Variants in GAK observed in about 807,000 individuals in gnomAD.
GAK encodes cyclin G associated kinase.
A neutral mutation model predicts 143.9 loss-of-function variants in GAK; 79 were observed. That is an observed-to-expected ratio of 0.55 (90% CI 0.46 to 0.66). The LOEUF is 0.66. Among genes scored for constraint, GAK ranks in the 30% least tolerant of loss-of-function variants. The probability of loss-of-function intolerance (pLI) is 0.00; values close to 1 mark genes in which losing one functional copy is unlikely to be tolerated. For missense variants in GAK, 1,693 were observed against 1,779.7 expected (o/e 0.95, Z 0.88); for synonymous variants, 881 against 765.5 (o/e 1.15, Z -2.49).
Position 849,708 on chromosome 4 carries a change from C to G in GAK, c.3901G>C (p.Glu1301Gln). 6.2e-7 allele frequency: 1 copy of G among 1,613,312 alleles called. No homozygotes were observed. Among genetic ancestry groups the G allele is most frequent in the Non-Finnish European group, 8.5e-7 (1 of 1,179,618 alleles). Residue 1301 changes from glutamate to glutamine, a missense_variant, in exon 28 of 28, where the codon GAG becomes CAG. Physicochemically the swap from Glu to Gln is conservative, Grantham distance 29. This residue lies in a region of GAK where 822 missense variants were observed against 788.7 expected (regional missense o/e 1.04). Coordinates refer to ENST00000314167, the MANE Select transcript of GAK (RefSeq NM_005255.4). ...GGCCGGGAGCCCTGGTTCTCAAACT[C>G]CGACCAGGCGTCATTCAGCTCCATG... ...IFMELNDAWS[E>Q]FENQGSRPLF is the part of the protein sequence containing the mutation.
At chr4:856,787 G>A (rs898326108) in intron 24 of GAK, among the ~76,000 whole-genome samples, 5 of 152,234 alleles carry the variant, frequency 3.3e-5, no homozygotes, top group Non-Finnish European at 7.3e-5. Context: ...TATTGCTCAA[G>A]CTGGTTTCAA....
At chr4:862,878 GCAGA>G (rs1407138069) in intron 23 of GAK, among the ~76,000 whole-genome samples, 8 of 152,228 alleles carry the variant, frequency 5.3e-5, no homozygotes, top group African/African-American at 1.7e-4. Flanking sequence ...AGAGACGTAC[GCAGA>G]CAGTCACGCT....
intron 15 of GAK, among the ~76,000 whole-genome samples, chr4:878,617 C>T (rs749080127): frequency 5.6e-4 from 86 of 152,290 alleles, no homozygotes; most frequent in African/African-American, 1.7e-3. Context: ...ACTTGTTCTA[C>T]GGATTACTGA....
At chr4:891,879 A>G (rs1717743154) in intron 9 of GAK, among the ~76,000 whole-genome samples, 2 of 152,214 alleles carry the variant, frequency 1.3e-5, no homozygotes, top group Non-Finnish European at 1.5e-5. Flanking sequence ...GCTTGCTGAG[A>G]GGCCACCAGT....
chr4:883,154 C>G (rs1024736258), intron 13 of GAK, among the ~76,000 whole-genome samples, 161 bp downstream of exon 13: 1 of 152,206 alleles, frequency 6.6e-6, no homozygotes, highest in African/African-American at 2.4e-5. Flanking sequence ...GCAACAGAGA[C>G]CCCACCTCGC....
Position 849,994 on chromosome 4 carries a change from G to A in GAK, c.3732C>T (p.Asp1244=), listed in dbSNP as rs138216547. The A allele has an allele frequency of 5.4e-5, 87 of 1,611,098 alleles. No homozygotes were observed. Among genetic ancestry groups the A allele is most frequent in the Admixed American group, 2.0e-4 (12 of 59,868 alleles). Residue 1244 remains aspartate (D), a synonymous_variant, in exon 27 of 28, where the codon GAC becomes GAT. Transcript: ENST00000314167. ...LLSTLHTVLW[D]GESRWTPVGM... ...CCACGGGCGTCCAGCGGCTCTCCCCGTCCCACAGCACTGTGTGCAGCGTGG... is the reference window on the plus strand; with the variant it reads ...CCACGGGCGTCCAGCGGCTCTCCCCATCCCACAGCACTGTGTGCAGCGTGG...
chr4:885,919 A>C (rs1716239261), intron 11 of GAK: 1 of 152,118 alleles, frequency 6.6e-6, no homozygotes, highest in African/African-American at 2.4e-5. Context: ...GGTGCACGCC[A>C]CCTCGCCCAG....
chr4:859,226 T>G (rs1302414306), intron 24 of GAK: 12 of 1,183,430 alleles, frequency 1.0e-5, no homozygotes, highest in African/African-American at 1.6e-5. Context: ...GTGGGCTCGG[T>G]TCTTGTGGCC....
Position 867,425 on chromosome 4 carries a change from C to T in GAK, c.2403G>A (p.Lys801=). 6.6e-7 allele frequency: 1 copy of T among 1,520,202 alleles called. No individual in the cohort carries two copies. Among genetic ancestry groups the T allele is most frequent in the Non-Finnish European group, 8.8e-7 (1 of 1,130,542 alleles). 94.2% of individuals were successfully genotyped at this position (1,520,202 alleles called of 1,614,324 possible). Residue 801 remains lysine (K), a synonymous_variant, in exon 21 of 28, where the codon AAG becomes AAA. Transcript: ENST00000314167. The stretch of plus-strand genomic sequence containing the variant: ...CATTTTCTGCACCAGTCTCTGCCTC[C>T]TTCTCTTCTGCGAAAAGGAAACAAA... ...FLHTLDWQEE[K]EAETGAENAS... is the part of the protein sequence containing the mutation.
rs375179978 is a variant in GAK, at chr4:911,653, C to T, written c.382+20G>A. On this transcript the variant is annotated intron_variant, in intron 4 of 27. Coordinates refer to ENST00000314167, the MANE Select transcript of GAK (RefSeq NM_005255.4). ...TCTGCTGGGTTAGATGGCACCAAGC[C>T]GGCCTTCACAGGACGTTACCTTTAC... 36 of 1,576,252 alleles carry T rather than the reference C, an allele frequency of 2.3e-5. No homozygotes were observed. In the South Asian group the frequency reaches 2.9e-4, roughly 13 times the overall value.
chr4:857,355 G>A (rs1187883231), intron 24 of GAK, among the ~76,000 whole-genome samples: 1 of 152,128 alleles, frequency 6.6e-6, no homozygotes, highest in Non-Finnish European at 1.5e-5. Context: ...AAAGTGCTCC[G>A]TCTCTCCTGC....
rs372276948 is a variant in GAK, at chr4:899,776, C to T, written c.526-1618G>A. The stretch of plus-strand genomic sequence containing the variant: ...CTGCAGACCCCAGTCCTAGAGAGGA[C>T]GCCTGCTCCGCGGACCAGCAAGCTG... On this transcript the variant is annotated intron_variant, in intron 5 of 27. Transcript: ENST00000314167. Among the ~76,000 whole-genome samples the T allele has an allele frequency of 2.2e-3, 332 of 152,328 alleles. 16 individuals carry two copies. The South Asian group carries it at 0.06, about 27-fold the overall frequency.
intron 18 of GAK, among the ~76,000 whole-genome samples, chr4:874,190 C>CT (rs1328304745): frequency 6.6e-6 from 1 of 151,856 alleles, no homozygotes; most frequent in Non-Finnish European, 1.5e-5. Context: ...CTCCTGCTGT[C>CT]TGTGTGTGCG....
chr4:916,686 G>A (rs942407238), intron 1 of GAK, among the ~76,000 whole-genome samples: 1 of 152,142 alleles, frequency 6.6e-6, no homozygotes, highest in African/African-American at 2.4e-5. Context: ...TTTAAAAACC[G>A]CCCAGACCAA....
rs1023930286 is a variant in GAK at position 905,036 on chromosome 4, A to G, written c.383-257T>C. The stretch of plus-strand genomic sequence containing the variant: ...GTCTTCTGATTGCTTTTCGTAACCA[A>G]TCAGATGTTTGCACAGGAGTGTGAC... On this transcript the variant is annotated intron_variant, in intron 4 of 27. Coordinates refer to ENST00000314167, the MANE Select transcript of GAK (RefSeq NM_005255.4). Among the ~76,000 whole-genome samples the G allele has an allele frequency of 5.3e-5, 8 of 152,064 alleles. No individual in the cohort carries two copies. In the South Asian group the frequency reaches 6.2e-4, roughly 12 times the overall value.
chr4:852,305 C>T (rs1422136030), intron 24 of GAK: 4 of 385,412 alleles, frequency 1.0e-5, no homozygotes, highest in Non-Finnish European at 1.9e-5. Context: ...CCACGTCACC[C>T]CCAGGAGCCA....
At chr4:858,279 A>AT (rs1357338744) in intron 24 of GAK, among the ~76,000 whole-genome samples, 1 of 151,660 alleles carries the variant, frequency 6.6e-6, no homozygotes. Context: ...GGGTTTGTCT[A>AT]TTTTTTCCTT....
chr4:903,432 G>A (rs893127083), intron 5 of GAK, among the ~76,000 whole-genome samples: 12 of 152,184 alleles, frequency 7.9e-5, no homozygotes, highest in South Asian at 2.1e-4. Context: ...CGACCCCAGC[G>A]CCTGAGACAG....
intron 18 of GAK, among the ~76,000 whole-genome samples, chr4:875,898 G>A (rs929617469): frequency 5.9e-5 from 9 of 152,234 alleles, no homozygotes; most frequent in Non-Finnish European, 1.2e-4. Context: ...CCGAGATTGC[G>A]CCATTGCACT....
Sources: allele counts gnomAD v4.1 joint callset (sites outside exome capture counted in the v4.1 genomes callset), GRCh38; gene constraint gnomAD v4.1.1; regional missense constraint gnomAD v4.1.1; transcripts MANE v1.5; gene names NCBI Gene and HGNC (gene_info 2026-07-23, HGNC 2026-07-21).